Variants in SH3GL2 observed in about 807,000 individuals in gnomAD.
The protein encoded by SH3GL2 is endophilin-A1.
Under a neutral mutation model 46.0 loss-of-function variants are expected in SH3GL2, and 24 were observed. The ratio of observed to expected loss-of-function variants is 0.52; its 90% CI spans 0.38 to 0.73. The LOEUF is 0.73. Among genes scored for constraint, SH3GL2 ranks in the 30% least tolerant of loss-of-function variants. The pLI, the probability that SH3GL2 is intolerant of heterozygous loss-of-function variation, is 0.00. For missense variants in SH3GL2, 413 were observed against 424.2 expected, an observed-to-expected ratio of 0.97 and a Z score of 0.23; for synonymous variants, 196 against 147.1, an observed-to-expected ratio of 1.33 and a Z score of -2.40.
chr9:17,742,432 A>C (rs1050010489), intron 1 of SH3GL2, among the ~76,000 whole-genome samples: 4 of 152,204 alleles, frequency 2.6e-5, no homozygotes, highest in African/African-American at 9.6e-5. Context: ...AATATAGCAT[A>C]AGACATCCAC....
intron 1 of SH3GL2, among the ~76,000 whole-genome samples, chr9:17,687,019 G>T (rs993570570): frequency 2.0e-5 from 3 of 151,988 alleles, no homozygotes; most frequent in Non-Finnish European, 2.9e-5. Context: ...ACTACATTTT[G>T]ATTGTTTGTA....
At position 17,793,470 on chromosome 9, in the gene SH3GL2, T is replaced by C; in HGVS notation, c.832T>C (p.Ser278Pro). ...GDSTQPNGGL[S>P]HTGTPKPSGV... ...CAGTACTCAGCCCAATGGGGGTCTC[T>C]CCCACACAGGCACTCCCAAACCTTC... The change falls in exon 8 of 9, where the codon TCC becomes CCC. Residue 278 changes from serine to proline, a missense_variant. By Grantham distance (74) the Ser-to-Pro change is moderately conservative. This residue lies in a region of SH3GL2 where 248 missense variants were observed against 215.0 expected (regional missense o/e 1.15). Coordinates refer to ENST00000380607, the MANE Select transcript of SH3GL2 (RefSeq NM_003026.5). 1 of 1,613,074 alleles carries C rather than the reference T, an allele frequency of 6.2e-7. No individual in the cohort carries two copies. The highest frequency in any genetic ancestry group is 8.5e-7 in the Non-Finnish European group (1 of 1,179,642).
intron 2 of SH3GL2, among the ~76,000 whole-genome samples, chr9:17,749,588 G>A (rs144348603): frequency 6.6e-6 from 1 of 152,276 alleles, no homozygotes; most frequent in Non-Finnish European, 1.5e-5. Flanking sequence ...GCATCTGCCA[G>A]GACTAAAGGG....
chr9:17,773,575 G>A (rs529087560), intron 3 of SH3GL2, among the ~76,000 whole-genome samples: 6 of 151,912 alleles, frequency 3.9e-5, no homozygotes, highest in African/African-American at 1.2e-4. Context: ...ATTATTTCTC[G>A]TGAGTGGTCT....
chr9:17,705,357 G>T (rs569105158), intron 1 of SH3GL2, among the ~76,000 whole-genome samples: 208 of 151,996 alleles, frequency 1.4e-3, no homozygotes, highest in African/African-American at 4.7e-3. Flanking sequence ...AACTTCAAAC[G>T]GAATTACCAC....
chr9:17,699,217 G>A (rs1009925719), intron 1 of SH3GL2, among the ~76,000 whole-genome samples: 1 of 150,760 alleles, frequency 6.6e-6, no homozygotes, highest in Non-Finnish European at 1.5e-5. Flanking sequence ...GCCAAAATTC[G>A]GTGAAATATT....
intron 1 of SH3GL2, among the ~76,000 whole-genome samples, chr9:17,700,069 G>C (rs1821310027): frequency 6.6e-6 from 1 of 152,120 alleles, no homozygotes; most frequent in Admixed American, 6.5e-5. Context: ...AAATAGTTCT[G>C]GCTACCACAA....
chr9:17,697,742 A>G (rs928850975), intron 1 of SH3GL2, among the ~76,000 whole-genome samples: 3 of 152,218 alleles, frequency 2.0e-5, no homozygotes, highest in African/African-American at 4.8e-5. Flanking sequence ...GGAATGCACC[A>G]AGGAATATTT....
At position 17,595,636 on chromosome 9, in the gene SH3GL2, C is replaced by G. The variant is rs1257953212; in HGVS notation, c.45+16349C>G. On this transcript the variant is annotated intron_variant, in intron 1 of 8. Coordinates refer to ENST00000380607, the MANE Select transcript of SH3GL2 (RefSeq NM_003026.5). ...AGTTATTGTGGTGAAAAATTGTAAA[C>G]AACCTCAATAAGGGATGAGGAAGTA... is the stretch of plus-strand genomic sequence containing the variant. Among the ~76,000 whole-genome samples the G allele has an allele frequency of 2.6e-5, 4 of 152,114 alleles. No homozygotes were observed. In the East Asian group the frequency reaches 7.7e-4, roughly 29 times the overall value.
In SH3GL2 at chr9:17,725,426, AT is replaced by A. The variant is rs142718011; in HGVS notation, c.46-21639del. Among the ~76,000 whole-genome samples, 6 of 152,212 alleles carry A rather than the reference AT, an allele frequency of 3.9e-5. No individual in the cohort carries two copies. The East Asian group carries it at 1.2e-3, about 30-fold the overall frequency. On this transcript the variant is annotated intron_variant, in intron 1 of 8. Coordinates refer to ENST00000380607, the MANE Select transcript of SH3GL2 (RefSeq NM_003026.5). ...TTATCATGAAGCTACCAGGCCCTGC[AT>A]AACTGTGTGCCACCAAAATCTCCAT... is the stretch of plus-strand genomic sequence containing the variant.
chr9:17,629,251 C>T (rs574956773), intron 1 of SH3GL2, among the ~76,000 whole-genome samples: 17 of 152,194 alleles, frequency 1.1e-4, no homozygotes, highest in Admixed American at 9.2e-4. Context: ...ATGAAATTCC[C>T]ATTGTGTTTT....
intron 1 of SH3GL2, among the ~76,000 whole-genome samples, chr9:17,657,533 C>T (rs185074313): frequency 3.0e-4 from 46 of 152,284 alleles, no homozygotes; most frequent in Admixed American, 1.4e-3. Context: ...GTTTCTAAGT[C>T]TGTTTCCTCT....
rs1288764821 is a variant in SH3GL2, at chr9:17,793,413, C to T, written c.775C>T (p.Pro259Ser). Residue 259 changes from proline to serine, a missense_variant, in exon 8 of 9, where the codon CCA (proline) becomes TCA (serine). This residue lies in a region of SH3GL2 where 248 missense variants were observed against 215.0 expected (regional missense o/e 1.15). Coordinates refer to ENST00000380607, the MANE Select transcript of SH3GL2 (RefSeq NM_003026.5). ...GCCTAGAAGGGAATATCAACCTAAA[C>T]CACGAATGAGCCTGGAGTTTCCAAC... ...SQPRREYQPK[P>S]RMSLEFPTGD... 1 of 1,612,770 alleles carries T rather than the reference C, an allele frequency of 6.2e-7. No homozygotes were observed.
chr9:17,644,938 C>CTATTATAT (rs1371255792), intron 1 of SH3GL2, among the ~76,000 whole-genome samples: 15 of 151,144 alleles, frequency 9.9e-5, no homozygotes, highest in African/African-American at 3.6e-4. Context: ...AAGTCTCCCA[C>CTATTATAT]TGTTATTGTG....
chr9:17,579,337 A>C, intron 1 of SH3GL2, 50 bp downstream of exon 1: 1 of 1,364,916 alleles, frequency 7.3e-7, no homozygotes, highest in Non-Finnish European at 1.0e-6. Context: ...CGAAGCTGCG[A>C]GGGGCGCGCT....
At position 17,699,119 on chromosome 9, in the gene SH3GL2, C is replaced by T. The variant is rs577004219; in HGVS notation, c.46-47947C>T. 2.3e-3 allele frequency among the ~76,000 whole-genome samples: 327 copies of T among 140,372 alleles called. 2 individuals carry two copies. The highest frequency in any genetic ancestry group is 8.4e-3 in the African/African-American group (314 of 37,388). The allele number at this position is 140,372 out of a possible 152,430, so 92.1% of individuals were successfully genotyped here. A position where few individuals can be genotyped will look rare whatever the true frequency, so the allele number is the denominator to read the frequency against. On this transcript the variant is annotated intron_variant, in intron 1 of 8. Coordinates refer to ENST00000380607, the MANE Select transcript of SH3GL2 (RefSeq NM_003026.5). ...GCAGTGAGCCGAGATCATGCCACTG[C>T]GCTCCAGCTAGGTGACAGAGTGAGA...
chr9:17,693,725 C>G (rs1037192132), intron 1 of SH3GL2, among the ~76,000 whole-genome samples: 1 of 152,178 alleles, frequency 6.6e-6, no homozygotes, highest in African/African-American at 2.4e-5. Context: ...GCTAAGAACT[C>G]CAGTTCTCTG....
Position 17,624,092 on chromosome 9 carries a change from C to A in SH3GL2, c.45+44805C>A, listed in dbSNP as rs116403478. On this transcript the variant is annotated intron_variant, in intron 1 of 8. Transcript: ENST00000380607. ...CTCGTTTTTAAGACTGCATCCTGCCCGTTAAAAATGCAGTGGCTGTCAGTT... is the reference window on the plus strand; with the variant it reads ...CTCGTTTTTAAGACTGCATCCTGCCAGTTAAAAATGCAGTGGCTGTCAGTT... 6.4e-3 allele frequency among the ~76,000 whole-genome samples: 975 copies of A among 152,210 alleles called. 14 individuals are homozygous for A. The highest frequency in any genetic ancestry group is 0.022 in the African/African-American group (919 of 41,510).
At position 17,653,337 on chromosome 9, in the gene SH3GL2, T is replaced by C. The variant is rs150044122; in HGVS notation, c.45+74050T>C. ...ATTTGACTGTTATTTCTTCAATACT[T>C]TCTCCCATCTGTTTACTTTCCTCTA... is the stretch of plus-strand genomic sequence containing the variant. On this transcript the variant is annotated intron_variant, in intron 1 of 8. Transcript: ENST00000380607. 3.0e-3 allele frequency among the ~76,000 whole-genome samples: 459 copies of C among 152,308 alleles called. 2 individuals are homozygous for C. The highest frequency in any genetic ancestry group is 0.011 in the African/African-American group (443 of 41,566).
Sources: allele counts gnomAD v4.1 joint callset (sites outside exome capture counted in the v4.1 genomes callset), GRCh38; gene constraint gnomAD v4.1.1; regional missense constraint gnomAD v4.1.1; transcripts MANE v1.5; gene names NCBI Gene and HGNC (gene_info 2026-07-23, HGNC 2026-07-21).